The following CHLSN variants were observed in gnomAD, a reference collection of about 807,000 sequenced individuals.
The protein encoded by CHLSN is cholesin, also known as protein cholesin.
the CHLSN span, among the ~76,000 whole-genome samples, chr7:1,110,196 C>T: frequency 6.6e-6 from 1 of 152,138 alleles, no homozygotes; most frequent in East Asian, 1.9e-4. Context: ...AGCAAAATCC[C>T]CACGCAGCCG....
the CHLSN span, among the ~76,000 whole-genome samples, chr7:1,072,192 A>G: frequency 6.6e-6 from 1 of 152,230 alleles, no homozygotes; most frequent in Non-Finnish European, 1.5e-5. Flanking sequence ...TGGAGCCGTA[A>G]GCATCCTGGC....
chr7:1,017,698 G>A, the CHLSN span, among the ~76,000 whole-genome samples: 1 of 152,238 alleles, frequency 6.6e-6, no homozygotes, highest in African/African-American at 2.4e-5. Flanking sequence ...CCCAACACGT[G>A]AACTGACTGC....
chr7:1,023,322 G>A, the CHLSN span, among the ~76,000 whole-genome samples: 14 of 152,292 alleles, frequency 9.2e-5, no homozygotes, highest in African/African-American at 2.4e-4. The surrounding 1 kb of genome is among the most constrained non-coding windows in gnomAD (Gnocchi z 5.0). Flanking sequence ...CGGGGTCTGC[G>A]GAAGCTCGTG....
chr7:1,029,299 T>C, the CHLSN span, among the ~76,000 whole-genome samples: 1 of 152,150 alleles, frequency 6.6e-6, no homozygotes, highest in Non-Finnish European at 1.5e-5. Context: ...AGCTAATTTT[T>C]AAATTTTTTG....
chr7:1,063,790 G>A, the CHLSN span, among the ~76,000 whole-genome samples: 5 of 152,358 alleles, frequency 3.3e-5, no homozygotes, highest in South Asian at 1.0e-3. Flanking sequence ...TCTAAGTGAT[G>A]TAAGGTCCTT....
At chr7:985,395 G>A in the CHLSN span, 8 of 1,491,134 alleles carry the variant, frequency 5.4e-6, no homozygotes, top group Non-Finnish European at 7.2e-6. Flanking sequence ...GAGGACGGGG[G>A]CCCCAGTGCT....
At chr7:1,081,423 C>T in the CHLSN span, among the ~76,000 whole-genome samples, 2 of 152,348 alleles carry the variant, frequency 1.3e-5, no homozygotes, top group Non-Finnish European at 2.9e-5. Context: ...AGCCCGAGCC[C>T]GGGCAGAAGA....
the CHLSN span, among the ~76,000 whole-genome samples, chr7:1,041,771 A>C: frequency 6.6e-6 from 1 of 151,904 alleles, no homozygotes; most frequent in Admixed American, 6.6e-5. Flanking sequence ...CTCCGAGGGG[A>C]ACGCCAGCCA....
At chr7:1,013,248 T>G in the CHLSN span, among the ~76,000 whole-genome samples, 1 of 152,224 alleles carries the variant, frequency 6.6e-6, no homozygotes, top group East Asian at 1.9e-4. Flanking sequence ...GAACGCGGGT[T>G]TCACTAGCAA....
the CHLSN span, among the ~76,000 whole-genome samples, chr7:1,136,356 A>G: frequency 1.2e-5 from 1 of 80,966 alleles, no homozygotes. Flanking sequence ...AAATATATAT[A>G]AACATATATA....
At chr7:1,127,899 C>T in the CHLSN span, among the ~76,000 whole-genome samples, 52 of 51,378 alleles carry the variant, frequency 1.0e-3, 4 homozygotes, top group East Asian at 2.6e-3. Context: ...TCGGCTCATC[C>T]CACCGTCACC....
chr7:1,127,375 T>C, the CHLSN span: 1 of 1,607,122 alleles, frequency 6.2e-7, no homozygotes, highest in Non-Finnish European at 8.5e-7. Flanking sequence ...TTTTCTCTTC[T>C]GTTTTGCCAT....
At chr7:1,129,461 C>G in the CHLSN span, among the ~76,000 whole-genome samples, 13 of 119,322 alleles carry the variant, frequency 1.1e-4, no homozygotes, top group Admixed American at 4.8e-4. Context: ...GCAGTGGCGC[C>G]ATCTCGGCTC....
At chr7:1,022,729 T>C in the CHLSN span, among the ~76,000 whole-genome samples, 1 of 152,144 alleles carries the variant, frequency 6.6e-6, no homozygotes, top group African/African-American at 2.4e-5. Flanking sequence ...AGCTCTCAAA[T>C]TCTTTAAAGG....
chr7:1,017,657 C>T, the CHLSN span, among the ~76,000 whole-genome samples: 1 of 152,224 alleles, frequency 6.6e-6, no homozygotes, highest in African/African-American at 2.4e-5. Flanking sequence ...TACGAACTTT[C>T]CTGGAGGGGA....
the CHLSN span, among the ~76,000 whole-genome samples, chr7:1,016,913 C>CACACA: frequency 1.8e-5 from 2 of 109,910 alleles, no homozygotes; most frequent in Non-Finnish European, 3.9e-5. Context: ...CACACGCCAG[C>CACACA]GCACAGCAGC....
At chr7:1,070,522 T>C in the CHLSN span, among the ~76,000 whole-genome samples, 3 of 139,614 alleles carry the variant, frequency 2.1e-5, no homozygotes, top group South Asian at 2.2e-4. Context: ...CACACATGCA[T>C]ACACATACAC....
At chr7:1,019,211 A>AAAGGG in the CHLSN span, among the ~76,000 whole-genome samples, 1 of 43,694 alleles carries the variant, frequency 2.3e-5, no homozygotes, top group African/African-American at 8.3e-5. Flanking sequence ...AAAAAAAAAA[A>AAAGGG]CGGGGGGGGG....
the CHLSN span, among the ~76,000 whole-genome samples, chr7:1,035,419 G>A: frequency 3.9e-5 from 6 of 152,270 alleles, no homozygotes; most frequent in African/African-American, 7.2e-5. Flanking sequence ...AGTTTGTAAA[G>A]GCAATTCCAT....
Sources: allele counts gnomAD v4.1 joint callset (sites outside exome capture counted in the v4.1 genomes callset), GRCh38; gene constraint gnomAD v4.1.1; non-coding constraint Gnocchi (gnomAD v3.1); transcripts MANE v1.5; gene names NCBI Gene and HGNC (gene_info 2026-07-23, HGNC 2026-07-21).